Variants in RARB observed in about 807,000 individuals in gnomAD.
RARB encodes retinoic acid receptor beta.
RARB carries 17 observed loss-of-function variants against 51.9 expected under a neutral mutation model. That is an observed-to-expected ratio of 0.33 (90% CI 0.22 to 0.49). RARB has a LOEUF of 0.49. RARB is among the 20% of genes least tolerant of loss of function. The pLI is 0.99. For synonymous variants in RARB, 215 were observed against 195.4 expected (o/e 1.10, Z -0.84); for missense variants, 369 against 550.8 (o/e 0.67, Z 3.30).
At chr3:24,934,063 T>C (rs1695497277) in intron 2 of RARB, among the ~76,000 whole-genome samples, 1 of 152,150 alleles carries the variant, frequency 6.6e-6, no homozygotes, top group African/African-American at 2.4e-5. Flanking sequence ...GAAGTTCCCT[T>C]TGAAGAGCGT....
chr3:24,868,230 G>A (rs866200734), intron 2 of RARB, among the ~76,000 whole-genome samples: 2 of 152,010 alleles, frequency 1.3e-5, no homozygotes, highest in Non-Finnish European at 1.5e-5. Context: ...GCTATTGTCT[G>A]GATATAGAAA....
chr3:25,574,411 G>A (rs115752521), intron 4 of RARB, among the ~76,000 whole-genome samples: 1,530 of 152,318 alleles, frequency 0.01, 21 homozygotes, highest in African/African-American at 0.034. Flanking sequence ...CGTGCCGAAT[G>A]TGCAGCTCTC....
chr3:25,214,081 T>A lies in RARB; in HGVS notation c.178+39506T>A, dbSNP rs1479201302. On this transcript the variant is annotated intron_variant, in intron 5 of 11. Transcript: ENST00000383772. ...GTGAAGATGCAATACATTTGATTCA[T>A]AGTCAGCATAGATAGATGGGAGTTT... Among the ~76,000 whole-genome samples the A allele has an allele frequency of 2.6e-5, 4 of 152,348 alleles. No individual in the cohort carries two copies. In the Middle Eastern group the frequency reaches 0.01, roughly 389 times the overall value.
intron 5 of RARB, among the ~76,000 whole-genome samples, chr3:25,336,951 G>T (rs1575322515): frequency 1.3e-5 from 2 of 152,152 alleles, no homozygotes; most frequent in East Asian, 1.9e-4. Context: ...AGTAAATGAA[G>T]CTGGGCAGAG....
At chr3:25,240,514 T>C (rs1702406045) in intron 5 of RARB, among the ~76,000 whole-genome samples, 1 of 152,176 alleles carries the variant, frequency 6.6e-6, no homozygotes, top group Admixed American at 6.5e-5. Flanking sequence ...CTTCTATGCC[T>C]AGTTTGTTGA....
At chr3:25,077,643 A>T (rs1303569095) in intron 3 of RARB, among the ~76,000 whole-genome samples, 2 of 152,112 alleles carry the variant, frequency 1.3e-5, no homozygotes, top group African/African-American at 4.8e-5. Flanking sequence ...TGCTATGAAG[A>T]TTTTTATACA....
At position 24,855,620 on chromosome 3, in the gene RARB, A is replaced by G. The variant is rs79518291; in HGVS notation, c.-458-3054A>G. 1.9e-3 allele frequency among the ~76,000 whole-genome samples: 285 copies of G among 152,292 alleles called. 3 individuals carry two copies. In the East Asian group the frequency reaches 0.047, roughly 25 times the overall value. On this transcript the variant is annotated intron_variant, in intron 1 of 11. Coordinates refer to the RARB transcript ENST00000383772. The stretch of plus-strand genomic sequence containing the variant: ...AAACTTCCAGCACTTAGCACATTAC[A>G]TTGATCATAAGACATAATCAATACA...
At chr3:25,410,984 G>C (rs1707547409) in intron 5 of RARB, among the ~76,000 whole-genome samples, 2 of 152,210 alleles carry the variant, frequency 1.3e-5, no homozygotes, top group South Asian at 4.1e-4. Flanking sequence ...AACATTTTCA[G>C]AGGAATTAGA....
intron 2 of RARB, among the ~76,000 whole-genome samples, chr3:24,949,612 G>T (rs1408197391): frequency 2.0e-5 from 3 of 152,116 alleles, no homozygotes; most frequent in Non-Finnish European, 4.4e-5. Flanking sequence ...TGAATCCTTT[G>T]ATTGTATTGA....
At position 25,067,872 on chromosome 3, in the gene RARB, C is replaced by T. The variant is rs543621010; in HGVS notation, c.-328+7696C>T. 2.4e-4 allele frequency among the ~76,000 whole-genome samples: 36 copies of T among 152,182 alleles called. No homozygotes were observed. The East Asian group carries it at 2.7e-3, about 11-fold the overall frequency. ...TAAATCTTGGCCGGGTGCAGTGGCT[C>T]ACGCCTGTAATCCCAGCACTTTGGG... is the stretch of plus-strand genomic sequence containing the variant. On this transcript the variant is annotated intron_variant, in intron 3 of 11. Transcript: ENST00000383772.
intron 2 of RARB, among the ~76,000 whole-genome samples, chr3:25,472,278 C>G (rs2125570095): frequency 6.6e-6 from 1 of 152,294 alleles, no homozygotes; most frequent in South Asian, 2.1e-4. Flanking sequence ...TTAGCATCAT[C>G]TTATTCTAGC....
intron 5 of RARB, among the ~76,000 whole-genome samples, chr3:25,290,344 C>G (rs1703756729): frequency 6.6e-6 from 1 of 152,138 alleles, no homozygotes; most frequent in Admixed American, 6.5e-5. Flanking sequence ...TAAAGACACT[C>G]AAAGAACTGA....
At chr3:25,436,024 T>G (rs777848726) in intron 1 of RARB, among the ~76,000 whole-genome samples, 5 of 152,242 alleles carry the variant, frequency 3.3e-5, no homozygotes, top group Non-Finnish European at 7.3e-5. Context: ...TCCATTAATT[T>G]TACTACATTT....
intron 5 of RARB, among the ~76,000 whole-genome samples, chr3:25,246,490 G>A (rs542454578): frequency 2.6e-5 from 4 of 151,984 alleles, no homozygotes; most frequent in South Asian, 2.1e-4. Flanking sequence ...CTTGATCTTC[G>A]GATGGAGTTT....
In RARB at chr3:25,375,933, C is replaced by T. The variant is rs58213804; in HGVS notation, c.179-85260C>T. ...TATGTGGCCTTGAGGGTTACTGAAC[C>T]TCCCCATGGTTCAATTTCCTCATCT... On this transcript the variant is annotated intron_variant, in intron 5 of 11. Coordinates refer to the RARB transcript ENST00000383772. 6.5e-3 allele frequency among the ~76,000 whole-genome samples: 987 copies of T among 152,232 alleles called. 13 individuals are homozygous for T. The highest frequency in any genetic ancestry group is 0.023 in the African/African-American group (935 of 41,534).
At position 25,399,430 on chromosome 3, in the gene RARB, T is replaced by C. The variant is rs545803052; in HGVS notation, c.179-61763T>C. On this transcript the variant is annotated intron_variant, in intron 5 of 11. Transcript: ENST00000383772. ...AAAGACAGTCACTGGATGGGGCTTC[T>C]GGGAAAACTGTTTGAACAGGAGCTG... 1.4e-4 allele frequency among the ~76,000 whole-genome samples: 21 copies of C among 152,286 alleles called. 1 individual carries two copies. The South Asian group carries it at 4.4e-3, about 32-fold the overall frequency.
At chr3:25,426,913 T>C (rs1027770382), upstream of RARB, among the ~76,000 whole-genome samples, 3 of 152,190 alleles carry the variant, frequency 2.0e-5, no homozygotes, top group African/African-American at 7.2e-5. Context: ...TTCCTGTAGG[T>C]TGGGTCAGTG....
chr3:24,843,765 T>G (rs1233195846), intron 1 of RARB, among the ~76,000 whole-genome samples: 1 of 152,136 alleles, frequency 6.6e-6, no homozygotes, highest in Non-Finnish European at 1.5e-5. Context: ...GATACCCAGG[T>G]AATTCGTGTG....
chr3:25,312,171 T>A (rs1267429289), intron 5 of RARB, among the ~76,000 whole-genome samples: 1 of 152,046 alleles, frequency 6.6e-6, no homozygotes, highest in Non-Finnish European at 1.5e-5. Flanking sequence ...GGAAGAAAAA[T>A]TAATGTGTTA....
Sources: gnomAD v4.1 joint callset for allele counts (sites outside exome capture counted in the v4.1 genomes callset) on GRCh38, gnomAD v4.1.1 for gene constraint, MANE v1.5 for transcripts, NCBI Gene and HGNC (gene_info 2026-07-23, HGNC 2026-07-21) for gene names.